GPC6: variants seen among roughly 807,000 people sequenced by gnomAD.
GPC6 encodes glypican-6.
Under a neutral mutation model 55.2 loss-of-function variants are expected in GPC6, and 14 were observed. The observed-to-expected ratio is 0.25, with a 90% confidence interval of 0.17 to 0.40. The LOEUF is 0.40. GPC6 is among the 10% of genes least tolerant of loss of function. The probability of loss-of-function intolerance (pLI) is 1.00; values close to 1 mark genes in which losing one functional copy is unlikely to be tolerated. For synonymous variants in GPC6, 278 were observed against 259.6 expected (o/e 1.07, Z -0.68); for missense variants, 641 against 708.5 (o/e 0.90, Z 1.08).
At chr13:94,258,426 C>T (rs1891563999) in intron 4 of GPC6, among the ~76,000 whole-genome samples, 1 of 152,170 alleles carries the variant, frequency 6.6e-6, no homozygotes, top group Non-Finnish European at 1.5e-5. Flanking sequence ...CCATGTGCTA[C>T]CTTAAATAAT....
At chr13:93,768,761 T>G (rs1268250268) in intron 2 of GPC6, among the ~76,000 whole-genome samples, 1 of 152,180 alleles carries the variant, frequency 6.6e-6, no homozygotes, top group Non-Finnish European at 1.5e-5. Flanking sequence ...TCTGAAGACT[T>G]ATTTTTTATA....
intron 1 of GPC6, chr13:93,395,581 T>C (rs1229410730): frequency 1.2e-5 from 2 of 164,718 alleles, no homozygotes; most frequent in African/African-American, 2.4e-5. Context: ...CACCTGCTCA[T>C]TGAGAACCTT....
At chr13:94,378,322 G>A (rs780162546) in intron 6 of GPC6, among the ~76,000 whole-genome samples, 1 of 152,110 alleles carries the variant, frequency 6.6e-6, no homozygotes, top group East Asian at 1.9e-4. Context: ...TCAGAAACTT[G>A]ATGGGATTCA....
At chr13:94,125,294 CA>C (rs1378108121) in intron 4 of GPC6, among the ~76,000 whole-genome samples, 1 of 151,874 alleles carries the variant, frequency 6.6e-6, no homozygotes, top group African/African-American at 2.4e-5. Context: ...ATTTGTATCT[CA>C]AAAAAAGGAA....
intron 2 of GPC6, among the ~76,000 whole-genome samples, chr13:93,768,639 G>A (rs1455930448): frequency 6.6e-6 from 1 of 152,174 alleles, no homozygotes; most frequent in African/African-American, 2.4e-5. Context: ...ACAAAGCAGA[G>A]GAAGGCAAGT....
At chr13:93,254,693 G>T (rs1243879610) in intron 1 of GPC6, among the ~76,000 whole-genome samples, 2 of 151,882 alleles carry the variant, frequency 1.3e-5, no homozygotes, top group Non-Finnish European at 2.9e-5. Flanking sequence ...TTTTAAGTAA[G>T]TTCTGGAATT....
intron 3 of GPC6, among the ~76,000 whole-genome samples, chr13:93,849,164 T>TA (rs1221406268): frequency 6.6e-6 from 1 of 152,166 alleles, no homozygotes; most frequent in Non-Finnish European, 1.5e-5. Flanking sequence ...AGACGTTGAA[T>TA]AAATATTATT....
chr13:93,669,478 G>T (rs960129594), intron 2 of GPC6, among the ~76,000 whole-genome samples: 2 of 152,164 alleles, frequency 1.3e-5, no homozygotes, highest in Non-Finnish European at 2.9e-5. Context: ...CAATTCGCTT[G>T]GTACCTCTGT....
intron 2 of GPC6, among the ~76,000 whole-genome samples, chr13:93,763,967 A>G (rs1206018654): frequency 2.0e-5 from 3 of 152,036 alleles, no homozygotes; most frequent in African/African-American, 4.8e-5. Flanking sequence ...CCTTGTTTTA[A>G]TAAGTTGTTG....
At chr13:93,390,337 G>A (rs1279213752) in intron 1 of GPC6, among the ~76,000 whole-genome samples, 2 of 152,022 alleles carry the variant, frequency 1.3e-5, no homozygotes, top group African/African-American at 4.8e-5. Flanking sequence ...TTTACTGAGG[G>A]CTCAGCTCTG....
chr13:93,394,401 C>T (rs1327942182), intron 1 of GPC6, among the ~76,000 whole-genome samples: 1 of 152,106 alleles, frequency 6.6e-6, no homozygotes, highest in African/African-American at 2.4e-5. Context: ...GAACTGGAAC[C>T]TTGGTGATTA....
intron 3 of GPC6, among the ~76,000 whole-genome samples, chr13:93,889,253 C>T (rs1716927231): frequency 6.6e-6 from 1 of 152,074 alleles, no homozygotes; most frequent in African/African-American, 2.4e-5. Flanking sequence ...TTAATACAGC[C>T]TGTCAGTTGC....
In GPC6 at chr13:93,227,727, C is replaced by T; in HGVS notation, c.160+111C>T. On this transcript the variant is annotated intron_variant, in intron 1 of 8. Coordinates refer to ENST00000377047, the MANE Select transcript of GPC6 (RefSeq NM_005708.5). The surrounding 1 kb of genome is among the most constrained non-coding windows in gnomAD (Gnocchi z 4.3). Reference sequence around the variant, plus strand: ...CTGTTGCTGAGTTGGTGCTCACTTTCTGCCACCGCTATGGGACTCCGCGTC... The same window carrying T: ...CTGTTGCTGAGTTGGTGCTCACTTTTTGCCACCGCTATGGGACTCCGCGTC... The T allele has an allele frequency of 1.2e-6, 1 of 818,498 alleles. No homozygotes were observed. The highest frequency in any genetic ancestry group is 1.7e-5 in the South Asian group (1 of 59,884). 50.7% of individuals were successfully genotyped at this position (818,498 alleles called of 1,614,324 possible). A position where few individuals can be genotyped will look rare whatever the true frequency, so the allele number is the denominator to read the frequency against.
At chr13:93,804,457 C>A (rs746602525) in intron 2 of GPC6, among the ~76,000 whole-genome samples, 1 of 152,170 alleles carries the variant, frequency 6.6e-6, no homozygotes, top group Non-Finnish European at 1.5e-5. Flanking sequence ...GACAAGTTTG[C>A]GTACTTCTCA....
chr13:94,098,492 A>T (rs1030229583), intron 4 of GPC6, among the ~76,000 whole-genome samples: 2 of 152,210 alleles, frequency 1.3e-5, no homozygotes, highest in South Asian at 2.1e-4. Context: ...TTTGCTATCT[A>T]CCAGAGCTCT....
In GPC6 at chr13:93,431,458, C is replaced by A. The variant is rs1429265715; in HGVS notation, c.161-113805C>A. ...ATAAAAAAATACATAACAGATAATT[C>A]TTTAATATTGAAGATAAACAACTTT... On this transcript the variant is annotated intron_variant, in intron 1 of 8. Transcript: ENST00000377047. 2.0e-5 allele frequency among the ~76,000 whole-genome samples: 3 copies of A among 151,988 alleles called. No individual in the cohort carries two copies. In the East Asian group the frequency reaches 5.8e-4, roughly 29 times the overall value.
intron 3 of GPC6, among the ~76,000 whole-genome samples, chr13:93,876,884 A>G (rs1874624019): frequency 6.6e-6 from 1 of 152,046 alleles, no homozygotes; most frequent in Non-Finnish European, 1.5e-5. Context: ...CAGGCATGTA[A>G]GCCTCCGGTA....
intron 3 of GPC6, among the ~76,000 whole-genome samples, chr13:94,020,468 A>G (rs376120302): frequency 6.6e-6 from 1 of 152,116 alleles, no homozygotes; most frequent in East Asian, 1.9e-4. Flanking sequence ...TTTTTATTAG[A>G]TTCCAGTGTT....
rs144665829 is a variant in GPC6 at position 94,002,785 on chromosome 13, A to G, written c.712-24944A>G. On this transcript the variant is annotated intron_variant, in intron 3 of 8. Coordinates refer to ENST00000377047, the MANE Select transcript of GPC6 (RefSeq NM_005708.5). ...TAGTGGCAGCCCTTAAGGGAGCACA[A>G]AGATCTCAAAGACAGTTAGTAGACT... Among the ~76,000 whole-genome samples the G allele has an allele frequency of 2.7e-3, 412 of 152,284 alleles. 3 individuals are homozygous for G. The highest frequency in any genetic ancestry group is 9.7e-3 in the African/African-American group (404 of 41,574).
Sources: gnomAD v4.1 joint callset for allele counts (sites outside exome capture counted in the v4.1 genomes callset) on GRCh38, gnomAD v4.1.1 for gene constraint, Gnocchi (gnomAD v3.1) non-coding constraint, MANE v1.5 for transcripts, NCBI Gene and HGNC (gene_info 2026-07-23, HGNC 2026-07-21) for gene names.